TKTL1: variants seen among roughly 807,000 people sequenced by gnomAD.
TKTL1 encodes transketolase-like protein 1.
Under a neutral mutation model 39.3 loss-of-function variants are expected in TKTL1, and 1 was observed. The ratio of observed to expected loss-of-function variants is 0.03; its 90% CI spans 0.01 to 0.12. The LOEUF is 0.12. Ranked by LOEUF, TKTL1 falls within the 10% of genes least tolerant of loss-of-function variation. TKTL1 has a pLI of 1.00. For synonymous variants in TKTL1, 262 were observed against 193.8 expected (o/e 1.35, Z -2.92); for missense variants, 575 against 509.6 (o/e 1.13, Z -1.24).
intron 10 of TKTL1, among the ~76,000 whole-genome samples, chrX:154,325,764 G>C (rs1429460584): frequency 8.9e-6 from 1 of 112,264 alleles, no homozygotes; most frequent in Non-Finnish European, 1.9e-5. Context: ...CGGGAAGATT[G>C]CTTGAGGCCA....
At chrX:154,311,388 CTT>C (rs2067356563) in intron 5 of TKTL1, 150 bp downstream of exon 5, 1 of 779,980 alleles carries the variant, frequency 1.3e-6, no homozygotes, top group African/African-American at 2.1e-5. Flanking sequence ...CTCCTGCTCT[CTT>C]ATTTTCACTA....
chrX:154,311,409 C>T (rs1402652755), intron 5 of TKTL1, among the ~76,000 whole-genome samples, 171 bp downstream of exon 5: 1 of 112,271 alleles, frequency 8.9e-6, no homozygotes, highest in Admixed American at 9.4e-5. Context: ...TAGCTAGTGT[C>T]TGCTTAGGAT....
At chrX:154,321,618 C>T (rs2067451963) in intron 8 of TKTL1, among the ~76,000 whole-genome samples, 1 of 108,299 alleles carries the variant, frequency 9.2e-6, no homozygotes, top group Non-Finnish European at 1.9e-5. Flanking sequence ...GGATTCCTCA[C>T]TTGGGAAACG....
At chrX:154,303,686 C>T (rs1346072697) in intron 1 of TKTL1, among the ~76,000 whole-genome samples, 1 of 107,911 alleles carries the variant, frequency 9.3e-6, no homozygotes, top group East Asian at 2.9e-4. Context: ...TGCCACCCCC[C>T]TGGAAGTCCC....
At chrX:154,311,864 G>A (rs2067360541) in intron 5 of TKTL1, among the ~76,000 whole-genome samples, 3 of 111,065 alleles carry the variant, frequency 2.7e-5, no homozygotes, top group South Asian at 7.6e-4. Flanking sequence ...AGGACCCTGG[G>A]TGTTGTCCTT....
At chrX:154,302,260 TA>T (rs1442828355) in intron 1 of TKTL1, among the ~76,000 whole-genome samples, 1 of 111,085 alleles carries the variant, frequency 9.0e-6, no homozygotes, top group Non-Finnish European at 1.9e-5. Flanking sequence ...CCAATAGTCC[TA>T]AGAAATTTTC....
chrX:154,309,601 T>A (rs1231595632), intron 3 of TKTL1, among the ~76,000 whole-genome samples, 159 bp downstream of exon 3: 1 of 110,971 alleles, frequency 9.0e-6, no homozygotes, highest in Non-Finnish European at 1.9e-5. Context: ...TCCCTGTGCC[T>A]TTTCCCCACC....
At chrX:154,308,467 T>G (rs1286094004) in intron 2 of TKTL1, among the ~76,000 whole-genome samples, 3 of 111,767 alleles carry the variant, frequency 2.7e-5, no homozygotes, top group African/African-American at 9.7e-5. Context: ...TCGGAAGACC[T>G]TAGAAAGTTG....
chrX:154,308,140 GC>G lies in TKTL1; in HGVS notation c.253-1203del, dbSNP rs782295872. Among the ~76,000 whole-genome samples the G allele has an allele frequency of 3.6e-5, 4 of 112,032 alleles. No individual in the cohort carries two copies. The East Asian group carries it at 1.1e-3, about 31-fold the overall frequency. On this transcript the variant is annotated intron_variant, in intron 2 of 12. Transcript: ENST00000369915. ...GTCAATAGATGGAGTGTCAGGTGGG[GC>G]CAAGCATCTGGAATCAAGTAAAAGT...
chrX:154,324,837 CTT>C (rs1557171597), intron 9 of TKTL1, among the ~76,000 whole-genome samples: 2 of 112,084 alleles, frequency 1.8e-5, no homozygotes, highest in Non-Finnish European at 3.8e-5. Flanking sequence ...TTAACAAATA[CTT>C]TAGACATACA....
In TKTL1 at chrX:154,320,821, C is replaced by A. The variant is rs1462748044; in HGVS notation, c.1094C>A (p.Ala365Asp). 3 of 1,209,268 alleles carry A rather than the reference C, an allele frequency of 2.5e-6. No homozygotes were observed. Among genetic ancestry groups the A allele is most frequent in the Admixed American group, 4.4e-5 (2 of 45,803 alleles). ...ATTGCTTTTGCTAGCACCTTTGCTG[C>A]CTTTCTGACTCGAGCATTTGATCAC... is the stretch of plus-strand genomic sequence containing the variant. ...RTIAFASTFA[A>D]FLTRAFDHIR... Residue 365 changes from alanine (A) to aspartate (D), a missense_variant, in exon 8 of 13, where the codon GCC becomes GAC. By Grantham distance (126) the Ala-to-Asp change is moderately radical. Coordinates refer to ENST00000369915, the MANE Select transcript of TKTL1 (RefSeq NM_012253.4).
intron 1 of TKTL1, among the ~76,000 whole-genome samples, 187 bp downstream of exon 1, chrX:154,296,180 G>A (rs868923825): frequency 1.8e-5 from 2 of 111,169 alleles, no homozygotes; most frequent in African/African-American, 6.5e-5. Flanking sequence ...CACTATTCCC[G>A]CCAACCCAAG....
intron 3 of TKTL1, among the ~76,000 whole-genome samples, chrX:154,310,054 G>A (rs1374525176): frequency 1.8e-5 from 2 of 111,351 alleles, no homozygotes; most frequent in African/African-American, 3.3e-5. Context: ...TTCTTGATGC[G>A]AACACTCACG....
intron 7 of TKTL1, among the ~76,000 whole-genome samples, chrX:154,315,976 C>A (rs946468420): frequency 8.9e-6 from 1 of 111,733 alleles, no homozygotes; most frequent in South Asian, 3.7e-4. Flanking sequence ...AAGCTCTGCG[C>A]GTCATAGAAG....
chrX:154,315,038 T>C, intron 6 of TKTL1, 135 bp from the exon 7 acceptor site: 2 of 679,730 alleles, frequency 2.9e-6, no homozygotes, highest in Non-Finnish European at 4.3e-6. Context: ...AAGGAAATTT[T>C]TGGTGAGTCA....
At chrX:154,322,229 C>CAAAAAAAA (rs34229834) in intron 8 of TKTL1, among the ~76,000 whole-genome samples, 1 of 41,849 alleles carries the variant, frequency 2.4e-5, no homozygotes. Flanking sequence ...GAGGCTTTGT[C>CAAAAAAAA]AAAAAAAAAA....
intron 2 of TKTL1, among the ~76,000 whole-genome samples, chrX:154,308,880 C>T (rs782490879): frequency 9.0e-6 from 1 of 111,131 alleles, no homozygotes; most frequent in African/African-American, 3.3e-5. Flanking sequence ...TATTCTCTTT[C>T]TGGTTTCTGT....
At chrX:154,329,365 A>G (rs1319289702) in intron 12 of TKTL1, 151 bp from the exon 13 acceptor site, 9 of 545,296 alleles carry the variant, frequency 1.7e-5, no homozygotes, top group Non-Finnish European at 2.6e-5. Flanking sequence ...CTGGCAGTTT[A>G]GAATGAGAAC....
chrX:154,306,700 G>A (rs1268014776), intron 2 of TKTL1, among the ~76,000 whole-genome samples: 2 of 109,785 alleles, frequency 1.8e-5, no homozygotes, highest in Admixed American at 9.7e-5. Context: ...GCAGTGGCTC[G>A]GTCTCAGCTC....
Sources: gnomAD v4.1 joint callset for allele counts (sites outside exome capture counted in the v4.1 genomes callset) on GRCh38, gnomAD v4.1.1 for gene constraint, MANE v1.5 for transcripts, NCBI Gene and HGNC (gene_info 2026-07-23, HGNC 2026-07-21) for gene names.